Variants in KHDRBS2 observed in about 807,000 individuals in gnomAD.
The protein encoded by KHDRBS2 is KH RNA binding domain containing, signal transduction associated 2.
Under a neutral mutation model 44.3 loss-of-function variants are expected in KHDRBS2, and 26 were observed. The observed-to-expected ratio is 0.59, with a 90% CI of 0.43 to 0.81. The LOEUF (loss-of-function observed/expected upper bound fraction) is 0.81, where lower values mean the gene tolerates loss of function less well. Ranked by LOEUF, KHDRBS2 falls within the 40% of genes least tolerant of loss-of-function variation. The probability of loss-of-function intolerance (pLI) is 0.00; values close to 1 mark genes in which losing one functional copy is unlikely to be tolerated. For missense variants in KHDRBS2, 476 were observed against 433.1 expected (o/e 1.10, Z -0.88); for synonymous variants, 194 against 151.1 (o/e 1.28, Z -2.08).
intron 3 of KHDRBS2, among the ~76,000 whole-genome samples, chr6:62,019,514 A>G (rs1045702924): frequency 3.3e-5 from 5 of 152,080 alleles, no homozygotes; most frequent in Non-Finnish European, 5.9e-5. Context: ...TATCTTGTGT[A>G]GAATTGGTAT....
chr6:62,146,460 G>A (rs1244407180), intron 2 of KHDRBS2, among the ~76,000 whole-genome samples: 1 of 135,638 alleles, frequency 7.4e-6, no homozygotes, highest in African/African-American at 2.5e-5. Context: ...TTTATACATG[G>A]ATTTTAAAAG....
intron 4 of KHDRBS2, among the ~76,000 whole-genome samples, chr6:61,909,435 C>CT (rs1221848015): frequency 1.3e-5 from 2 of 151,970 alleles, no homozygotes; most frequent in Non-Finnish European, 2.9e-5. Flanking sequence ...AAATAATTCG[C>CT]TTTTTTGCTA....
At chr6:61,985,241 T>C (rs896419574) in intron 3 of KHDRBS2, among the ~76,000 whole-genome samples, 16 of 152,356 alleles carry the variant, frequency 1.1e-4, no homozygotes, top group Admixed American at 5.2e-4. Flanking sequence ...TTTAGTAATA[T>C]GGGTTAGCCT....
rs1483289887 is a variant in KHDRBS2, at chr6:61,894,655, G to C, written c.790C>G (p.His264Asp). 1 of 1,611,452 alleles carries C rather than the reference G, an allele frequency of 6.2e-7. No homozygotes were observed. The highest frequency in any genetic ancestry group is 8.5e-7 in the Non-Finnish European group (1 of 1,179,180). ...CTTACATATTCTTCATAAGCTTCATGGGCTGGAGGAGGAGGTGCCCTGTAT... is the reference window on the plus strand; with the variant it reads ...CTTACATATTCTTCATAAGCTTCATCGGCTGGAGGAGGAGGTGCCCTGTAT... ...PGYRAPPPPAHEAYEEYGYDD... is the reference protein window; with the variant it reads ...PGYRAPPPPADEAYEEYGYDD... Residue 264 changes from histidine to aspartate, a missense_variant, in exon 6 of 9, where the codon CAT (histidine) becomes GAT (aspartate). Physicochemically the swap from His to Asp is moderately conservative, Grantham distance 81. Coordinates refer to ENST00000281156, the MANE Select transcript of KHDRBS2 (RefSeq NM_152688.4).
chr6:61,838,069 G>T (rs1793003351), intron 6 of KHDRBS2, among the ~76,000 whole-genome samples: 1 of 152,020 alleles, frequency 6.6e-6, no homozygotes, highest in East Asian at 1.9e-4. Context: ...CTGGAAAAAG[G>T]AAGGGCACTA....
intron 1 of KHDRBS2, among the ~76,000 whole-genome samples, chr6:62,237,069 C>A (rs939760494): frequency 1.3e-5 from 2 of 152,180 alleles, no homozygotes; most frequent in African/African-American, 2.4e-5. Flanking sequence ...TACTTCCTCA[C>A]TAAATGACGC....
chr6:61,665,956 A>G, the KHDRBS2 span, among the ~76,000 whole-genome samples: 1 of 150,948 alleles, frequency 6.6e-6, no homozygotes, highest in Non-Finnish European at 1.5e-5. Context: ...CAAAAGTCTG[A>G]CAAGTTGAAT....
chr6:61,833,080 C>T (rs1295968770), intron 6 of KHDRBS2, among the ~76,000 whole-genome samples: 2 of 152,140 alleles, frequency 1.3e-5, no homozygotes, highest in African/African-American at 4.8e-5. Context: ...TTTGTTACAA[C>T]TTTTCTATAA....
At chr6:61,944,974 C>T (rs1237787076) in intron 4 of KHDRBS2, among the ~76,000 whole-genome samples, 1 of 150,208 alleles carries the variant, frequency 6.7e-6, no homozygotes, top group African/African-American at 2.5e-5. Flanking sequence ...GCCTGTAATC[C>T]CAGCTACTCG....
intron 1 of KHDRBS2, among the ~76,000 whole-genome samples, chr6:62,244,265 TA>T (rs1221478694): frequency 5.9e-5 from 9 of 152,248 alleles, no homozygotes; most frequent in Middle Eastern, 3.4e-3. Flanking sequence ...TTTCTATACT[TA>T]AAAAAGTATT....
intron 2 of KHDRBS2, among the ~76,000 whole-genome samples, chr6:62,131,409 A>G (rs1810285715): frequency 6.6e-6 from 1 of 152,226 alleles, no homozygotes; most frequent in Non-Finnish European, 1.5e-5. Flanking sequence ...CTACTTATGA[A>G]GATTAGAGTA....
At chr6:62,250,823 G>T (rs1359953058) in intron 1 of KHDRBS2, among the ~76,000 whole-genome samples, 1 of 151,892 alleles carries the variant, frequency 6.6e-6, no homozygotes, top group Non-Finnish European at 1.5e-5. Context: ...TATTTAAAAA[G>T]GGGTGATAAA....
At chr6:62,246,512 A>C (rs1463348020) in intron 1 of KHDRBS2, among the ~76,000 whole-genome samples, 3 of 152,074 alleles carry the variant, frequency 2.0e-5, no homozygotes, top group African/African-American at 7.2e-5. Flanking sequence ...TGCAGTGTAC[A>C]GCTCACAAAC....
intron 2 of KHDRBS2, among the ~76,000 whole-genome samples, chr6:62,103,863 A>C (rs1802501566): frequency 6.6e-6 from 1 of 152,242 alleles, no homozygotes; most frequent in Non-Finnish European, 1.5e-5. Flanking sequence ...TTCTATTAAA[A>C]GTGAAATAGC....
the KHDRBS2 span, among the ~76,000 whole-genome samples, chr6:61,670,722 C>CTTTT: frequency 6.6e-6 from 1 of 151,192 alleles, no homozygotes; most frequent in Non-Finnish European, 1.5e-5. Flanking sequence ...GAGATGTTTG[C>CTTTT]TCATCTAGTT....
chr6:62,226,087 G>T (rs1831756995), intron 1 of KHDRBS2, among the ~76,000 whole-genome samples: 2 of 152,116 alleles, frequency 1.3e-5, no homozygotes, highest in Non-Finnish European at 2.9e-5. Context: ...GGTACTTCTG[G>T]TTCTAGATCA....
the KHDRBS2 span, among the ~76,000 whole-genome samples, chr6:61,663,921 G>A: frequency 6.6e-6 from 1 of 151,580 alleles, no homozygotes; most frequent in South Asian, 2.1e-4. Context: ...ATTCAAAAAT[G>A]TACACTCATG....
intron 1 of KHDRBS2, among the ~76,000 whole-genome samples, chr6:62,267,719 A>G (rs1839426257): frequency 6.6e-6 from 1 of 152,018 alleles, no homozygotes; most frequent in African/African-American, 2.4e-5. Context: ...ATTCTCTCCT[A>G]TTCCCCCCAT....
the KHDRBS2 span, among the ~76,000 whole-genome samples, chr6:61,641,361 C>T: frequency 3.3e-5 from 5 of 152,160 alleles, no homozygotes; most frequent in African/African-American, 1.2e-4. Flanking sequence ...ACAAATCTGT[C>T]TGAAGTCTAC....
Sources: gnomAD v4.1 joint callset for allele counts (sites outside exome capture counted in the v4.1 genomes callset) on GRCh38, gnomAD v4.1.1 for gene constraint, MANE v1.5 for transcripts, NCBI Gene and HGNC (gene_info 2026-07-23, HGNC 2026-07-21) for gene names.